The following NRG1 variants were observed in gnomAD, a reference collection of about 807,000 sequenced individuals.
The protein encoded by NRG1 is pro-neuregulin-1, membrane-bound isoform.
In NRG1, 18 loss-of-function variants were observed where a neutral mutation model predicts 63.8. The ratio of observed to expected loss-of-function variants is 0.28; its 90% confidence interval spans 0.19 to 0.42. The LOEUF is 0.42. Ranked by LOEUF, NRG1 falls within the 10% of genes least tolerant of loss-of-function variation. The pLI, the probability that NRG1 is intolerant of heterozygous loss-of-function variation, is 1.00. For missense variants in NRG1, 762 were observed against 814.7 expected, an observed-to-expected ratio of 0.94 and a Z score of 0.79; for synonymous variants, 302 against 301.3, an observed-to-expected ratio of 1.00 and a Z score of -0.02.
chr8:32,229,697 G>T (rs947657934), intron 1 of NRG1, among the ~76,000 whole-genome samples: 3 of 152,124 alleles, frequency 2.0e-5, no homozygotes, highest in African/African-American at 7.2e-5. Flanking sequence ...TTCTTCTTAA[G>T]ATCCTAAAAG....
intron 1 of NRG1, among the ~76,000 whole-genome samples, chr8:32,315,633 T>G (rs773433112): frequency 6.6e-6 from 1 of 151,954 alleles, no homozygotes; most frequent in Non-Finnish European, 1.5e-5. Flanking sequence ...TTTGAATAGA[T>G]CCAATGGTCT....
In NRG1 at chr8:32,749,698, G is replaced by T. The variant is rs1056865793; in HGVS notation, c.692-4674G>T. The T allele has an allele frequency of 5.1e-5, 50 of 973,474 alleles. 2 individuals are homozygous for T. In the South Asian group the frequency reaches 7.8e-4, roughly 15 times the overall value. The allele number at this position is 973,474 out of a possible 1,614,324, so 60.3% of individuals were successfully genotyped here. On this transcript the variant is annotated intron_variant, in intron 7 of 11. Transcript: ENST00000356819. Reference sequence around the variant, plus strand: ...TCCTAACTAATTTCCTTTTTCTTTAGAAGGGATCATACAGCTATAACAATG... The same window carrying T: ...TCCTAACTAATTTCCTTTTTCTTTATAAGGGATCATACAGCTATAACAATG...
At chr8:31,862,471 T>C (rs1011683566) in intron 1 of NRG1, among the ~76,000 whole-genome samples, 6 of 152,226 alleles carry the variant, frequency 3.9e-5, no homozygotes, top group Non-Finnish European at 1.5e-5. Context: ...CCATTGTTTT[T>C]GATATTTGTA....
intron 1 of NRG1, among the ~76,000 whole-genome samples, chr8:32,407,185 G>A (rs1020441336): frequency 6.7e-6 from 1 of 150,136 alleles, no homozygotes; most frequent in African/African-American, 2.5e-5. Context: ...TATAAAATTA[G>A]TGTACAAATA....
At chr8:31,848,304 G>A (rs1378216227) in intron 1 of NRG1, among the ~76,000 whole-genome samples, 1 of 152,068 alleles carries the variant, frequency 6.6e-6, no homozygotes, top group Non-Finnish European at 1.5e-5. Context: ...CGGTATTTTG[G>A]ATTACACAGA....
At chr8:32,036,723 A>G (rs1179356271) in intron 1 of NRG1, among the ~76,000 whole-genome samples, 2 of 151,908 alleles carry the variant, frequency 1.3e-5, no homozygotes, top group Non-Finnish European at 2.9e-5. Context: ...TGGTCTATTC[A>G]GTTATTGATA....
At position 31,768,766 on chromosome 8, in the gene NRG1, T is replaced by C. The variant is rs750321852; in HGVS notation, c.37+129335T>C. On this transcript the variant is annotated intron_variant, in intron 1 of 10. Transcript: ENST00000519301. ...TGATGTTCCTAACTGGTCGCAAACT[T>C]GGGTTCATCAGAAGAATCTGCTCCC... Among the ~76,000 whole-genome samples, 14 of 152,316 alleles carry C rather than the reference T, an allele frequency of 9.2e-5. 1 individual carries two copies. Among genetic ancestry groups the C allele is most frequent in the Middle Eastern group, 3.4e-3 (1 of 294 alleles).
intron 1 of NRG1, among the ~76,000 whole-genome samples, chr8:31,758,204 C>T (rs1490966947): frequency 6.6e-6 from 1 of 152,052 alleles, no homozygotes; most frequent in Non-Finnish European, 1.5e-5. Flanking sequence ...TGTTATCCTT[C>T]CCCTAGACTC....
chr8:32,536,816 C>T (rs1389454306), intron 1 of NRG1, among the ~76,000 whole-genome samples: 3 of 139,824 alleles, frequency 2.1e-5, no homozygotes, highest in Non-Finnish European at 4.5e-5. Flanking sequence ...CCCAGCTACT[C>T]GGGAGGCTGA....
chr8:31,892,441 G>A (rs1831228013), intron 1 of NRG1, among the ~76,000 whole-genome samples: 2 of 151,962 alleles, frequency 1.3e-5, no homozygotes, highest in African/African-American at 2.4e-5. Context: ...CACAATCTCC[G>A]CAGATAAATT....
At chr8:31,751,828 A>T (rs1016118075) in intron 1 of NRG1, among the ~76,000 whole-genome samples, 1 of 151,996 alleles carries the variant, frequency 6.6e-6, no homozygotes, top group Non-Finnish European at 1.5e-5. Context: ...TTAAGGTGAC[A>T]TAGAACTCTG....
At chr8:31,710,332 A>G (rs1434191294) in intron 1 of NRG1, among the ~76,000 whole-genome samples, 1 of 151,970 alleles carries the variant, frequency 6.6e-6, no homozygotes, top group East Asian at 1.9e-4. Context: ...CAATTTTAAT[A>G]AATATTCCAT....
intron 1 of NRG1, among the ~76,000 whole-genome samples, chr8:32,185,724 T>C (rs1841903997): frequency 6.6e-6 from 1 of 152,208 alleles, no homozygotes; most frequent in Non-Finnish European, 1.5e-5. Context: ...AGTCACACTT[T>C]GTCATGCATT....
chr8:32,500,334 G>T (rs1264052353), intron 1 of NRG1, among the ~76,000 whole-genome samples: 1 of 152,072 alleles, frequency 6.6e-6, no homozygotes, highest in African/African-American at 2.4e-5. Context: ...CTTTTCTTGA[G>T]GACTCTAAAA....
chr8:31,825,105 A>G (rs908717238), intron 1 of NRG1, among the ~76,000 whole-genome samples: 1 of 152,234 alleles, frequency 6.6e-6, no homozygotes, highest in African/African-American at 2.4e-5. Context: ...AAAGTATTTT[A>G]TACTGGCTGG....
chr8:32,060,967 C>T (rs1245912111), intron 1 of NRG1, among the ~76,000 whole-genome samples: 2 of 151,806 alleles, frequency 1.3e-5, no homozygotes, highest in Non-Finnish European at 2.9e-5. Flanking sequence ...GTGAACTTCC[C>T]ATCACCTATC....
chr8:32,342,869 A>C (rs1804247912), intron 1 of NRG1, among the ~76,000 whole-genome samples: 2 of 152,216 alleles, frequency 1.3e-5, no homozygotes, highest in Admixed American at 6.5e-5. Context: ...CCACTTCAAC[A>C]GTAGATGGGC....
chr8:32,004,240 G>A (rs984949012), intron 1 of NRG1, among the ~76,000 whole-genome samples: 2 of 151,936 alleles, frequency 1.3e-5, no homozygotes, highest in African/African-American at 2.4e-5. Context: ...TGAGGATGGA[G>A]AGGGCAGTGG....
intron 1 of NRG1, among the ~76,000 whole-genome samples, chr8:32,336,457 C>A (rs1320227042): frequency 6.6e-6 from 1 of 151,584 alleles, no homozygotes; most frequent in East Asian, 1.9e-4. Flanking sequence ...CAGAGAGAAT[C>A]AAAAATGAAA....
Sources: allele counts gnomAD v4.1 joint callset (sites outside exome capture counted in the v4.1 genomes callset), GRCh38; gene constraint gnomAD v4.1.1; transcripts MANE v1.5; gene names NCBI Gene and HGNC (gene_info 2026-07-23, HGNC 2026-07-21).